Variants in ODF2 observed in about 807,000 individuals in gnomAD.
ODF2 encodes the protein outer dense fiber protein 2.
In ODF2, 47 loss-of-function variants were observed where a neutral mutation model predicts 110.2. The observed-to-expected ratio is 0.43, with a 90% CI of 0.34 to 0.54. The LOEUF (loss-of-function observed/expected upper bound fraction) is 0.54, where lower values mean the gene tolerates loss of function less well. ODF2 is among the 20% of genes least tolerant of loss of function. The probability of loss-of-function intolerance (pLI) is 0.03; values close to 1 mark genes in which losing one functional copy is unlikely to be tolerated. For missense variants in ODF2, 812 were observed against 1,054.5 expected (o/e 0.77, Z 3.19); for synonymous variants, 352 against 397.7 (o/e 0.89, Z 1.37).
chr9:128,494,427 G>C lies in ODF2; in HGVS notation c.1753-83G>C, dbSNP rs1480582054. ...GTGTCAGCCCTGCCCTAACTCTAAA[G>C]GACTCTGCCTGGCTCCACTAGGAGC... On this transcript the variant is annotated intron_variant, in intron 16 of 20. Coordinates refer to ENST00000604420, the Ensembl canonical transcript of ODF2. This position sits in a 1 kb window ranked among gnomAD's most constrained non-coding sequence, Gnocchi z 4.6. 2 of 1,295,786 alleles carry C rather than the reference G, an allele frequency of 1.5e-6. No individual in the cohort carries two copies. The highest frequency in any genetic ancestry group is 1.5e-5 in the African/African-American group (1 of 67,950). The allele number at this position is 1,295,786 out of a possible 1,614,324, so 80.3% of individuals were successfully genotyped here. A position where few individuals can be genotyped will look rare whatever the true frequency, so the allele number is the denominator to read the frequency against.
chr9:128,482,603 G>A (rs1316463709), intron 9 of ODF2, among the ~76,000 whole-genome samples: 1 of 152,106 alleles, frequency 6.6e-6, no homozygotes, highest in Non-Finnish European at 1.5e-5. Flanking sequence ...AGTTAACATT[G>A]CTGTTCTTAA....
intron 4 of ODF2, among the ~76,000 whole-genome samples, chr9:128,466,980 TAAAAAAAAAAAAAA>T (rs398046919): frequency 1.8e-3 from 36 of 19,772 alleles, no homozygotes; most frequent in African/African-American, 4.4e-3. Context: ...CCATCTCAAT[TAAAAAAAAAAAAAA>T]AAAAAAAAAA....
chr9:128,488,655 A>G (rs1843901408), intron 14 of ODF2, among the ~76,000 whole-genome samples: 1 of 152,196 alleles, frequency 6.6e-6, no homozygotes, highest in Non-Finnish European at 1.5e-5. Context: ...GCCCCTTCAC[A>G]GGCATTAATT....
At chr9:128,457,235 T>A (rs777220989) in exon 2 of ODF2, 21 of 1,580,426 alleles carry the variant, frequency 1.3e-5, no homozygotes, top group Non-Finnish European at 1.8e-5. Context: ...GAGGAGCGCC[T>A]CCCAAGTTTT....
chr9:128,484,805 G>T, exon 12 of ODF2: 1 of 1,613,894 alleles, frequency 6.2e-7, no homozygotes, highest in Non-Finnish European at 8.5e-7. Context: ...AGAGCTTGAA[G>T]AAGGCCATCC....
At chr9:128,472,209 G>C (rs1413725362) in intron 6 of ODF2, among the ~76,000 whole-genome samples, 1 of 152,104 alleles carries the variant, frequency 6.6e-6, no homozygotes, top group Non-Finnish European at 1.5e-5. Context: ...GATCCTGGGA[G>C]GCATCTCAAA....
rs551500092 is a variant in ODF2 at position 128,487,603 on chromosome 9, C to T, written c.1401-287C>T. 4.6e-5 allele frequency among the ~76,000 whole-genome samples: 7 copies of T among 152,076 alleles called. No homozygotes were observed. In the East Asian group the frequency reaches 9.7e-4, roughly 21 times the overall value. ...GAGATCGAGACCATCCTGGCTAACACGGTGAAACCCCGTCTCTACTAAAAA... is the reference window on the plus strand; with the variant it reads ...GAGATCGAGACCATCCTGGCTAACATGGTGAAACCCCGTCTCTACTAAAAA... On this transcript the variant is annotated intron_variant, in intron 13 of 20. Transcript: ENST00000604420.
chr9:128,492,629 TTG>T, intron 15 of ODF2, 70 bp from the exon 16 acceptor site: 1 of 1,528,338 alleles, frequency 6.5e-7, no homozygotes, highest in African/African-American at 1.4e-5. Flanking sequence ...CCAGGGAGGG[TTG>T]GGTATGGAAG....
chr9:128,491,433 G>A (rs1247010311), intron 14 of ODF2, among the ~76,000 whole-genome samples: 3 of 151,766 alleles, frequency 2.0e-5, no homozygotes, highest in Non-Finnish European at 4.4e-5. Context: ...CGAGGTGGGC[G>A]GATCACTTGA....
chr9:128,471,501 T>C, intron 6 of ODF2, 33 bp downstream of exon 6: 2 of 1,600,572 alleles, frequency 1.2e-6, no homozygotes, highest in South Asian at 1.1e-5. Context: ...CCCGCTGATC[T>C]ATTCCTCCCT....
chr9:128,492,419 C>A lies in ODF2; in HGVS notation c.1537-7C>A, dbSNP rs755733612. ...CCTGTGGGTTACTCATGAGCCATCC[C>A]TTCCAGGCCAGCTTTGCTCCAATGG... is the stretch of plus-strand genomic sequence containing the variant. On this transcript the variant is annotated splice_polypyrimidine_tract_variant and splice_region_variant and intron_variant, in intron 14 of 20. Transcript: ENST00000604420. 2 of 1,608,484 alleles carry A rather than the reference C, an allele frequency of 1.2e-6. No individual in the cohort carries two copies. Among genetic ancestry groups the A allele is most frequent in the Non-Finnish European group, 1.7e-6 (2 of 1,175,068 alleles).
intron 8 of ODF2, among the ~76,000 whole-genome samples, chr9:128,478,145 C>T (rs1428312256): frequency 1.3e-5 from 2 of 152,074 alleles, no homozygotes; most frequent in Admixed American, 6.6e-5. Flanking sequence ...TACAGGTGTG[C>T]ATCACCACAC....
chr9:128,477,557 T>C (rs573240937), intron 8 of ODF2, among the ~76,000 whole-genome samples: 2 of 151,668 alleles, frequency 1.3e-5, no homozygotes, highest in African/African-American at 4.8e-5. Flanking sequence ...CAAAAAATTA[T>C]ATATATATAT....
Position 128,459,664 on chromosome 9 carries a change from G to T in ODF2, c.123+7G>T, listed in dbSNP as rs762744139. On this transcript the variant is annotated splice_region_variant and intron_variant, in intron 3 of 20. Coordinates refer to ENST00000604420, the Ensembl canonical transcript of ODF2. ...ACCCAGTGTAACTGTGACGGTAGGTGATGCACTCACGTAGCAGCCCTCTTT... is the reference window on the plus strand; with the variant it reads ...ACCCAGTGTAACTGTGACGGTAGGTTATGCACTCACGTAGCAGCCCTCTTT... The T allele has an allele frequency of 9.9e-6, 16 of 1,608,236 alleles. No individual in the cohort carries two copies. Among genetic ancestry groups the T allele is most frequent in the East Asian group, 2.2e-5 (1 of 44,868 alleles).
At chr9:128,478,847 C>G (rs1841868939) in intron 8 of ODF2, among the ~76,000 whole-genome samples, 1 of 152,154 alleles carries the variant, frequency 6.6e-6, no homozygotes, top group Non-Finnish European at 1.5e-5. Flanking sequence ...TGCTCTGGTT[C>G]TGGAGTCCGA....
intron 1 of ODF2, chr9:128,456,772 G>GCCCGCCCCCT: frequency 1.0e-6 from 1 of 983,698 alleles, no homozygotes. Flanking sequence ...GGGGGGTCCC[G>GCCCGCCCCCT]CCCGCCCCCT....
intron 18 of ODF2, chr9:128,496,416 G>A: frequency 1.7e-6 from 2 of 1,175,844 alleles, no homozygotes; most frequent in Non-Finnish European, 2.2e-6. Flanking sequence ...GCCTGGTCCA[G>A]GCCTGCCAGG....
At chr9:128,470,428 C>T (rs566139123) in intron 5 of ODF2, among the ~76,000 whole-genome samples, 65 of 151,820 alleles carry the variant, frequency 4.3e-4, no homozygotes, top group Middle Eastern at 3.4e-3. Context: ...GTCAGGAGTT[C>T]AAGACCAGCC....
chr9:128,463,504 C>T (rs1294141181), intron 4 of ODF2, among the ~76,000 whole-genome samples: 2 of 152,038 alleles, frequency 1.3e-5, no homozygotes, highest in Admixed American at 6.6e-5. Flanking sequence ...TGTAGTCCTA[C>T]TTACTTGGAG....
Sources: gnomAD v4.1 joint callset for allele counts (sites outside exome capture counted in the v4.1 genomes callset) on GRCh38, gnomAD v4.1.1 for gene constraint, Gnocchi (gnomAD v3.1) non-coding constraint, MANE v1.5 for transcripts, NCBI Gene and HGNC (gene_info 2026-07-23, HGNC 2026-07-21) for gene names.